Variants in SEMA3C observed in about 807,000 individuals in gnomAD.
SEMA3C encodes the protein semaphorin-3C.
Under a neutral mutation model 89.4 loss-of-function variants are expected in SEMA3C, and 47 were observed. That is an observed-to-expected ratio of 0.53 (90% CI 0.42 to 0.67). The LOEUF (loss-of-function observed/expected upper bound fraction) is 0.67. SEMA3C is among the 30% of genes least tolerant of loss of function. The pLI, the probability that SEMA3C is intolerant of heterozygous loss-of-function variation, is 0.00. For synonymous variants in SEMA3C, 310 were observed against 320.2 expected (o/e 0.97, Z 0.34); for missense variants, 839 against 929.1 (o/e 0.90, Z 1.26).
chr7:80,765,583 T>TTTTG (rs1554361556), intron 12 of SEMA3C, among the ~76,000 whole-genome samples: 10,159 of 114,802 alleles, frequency 0.088, 1,105 homozygotes, highest in African/African-American at 0.26. Flanking sequence ...TTTTGTTTTG[T>TTTTG]TTTGTTTGTT....
chr7:80,783,994 A>G (rs1376007876), intron 12 of SEMA3C, among the ~76,000 whole-genome samples: 1 of 152,208 alleles, frequency 6.6e-6, no homozygotes, highest in Non-Finnish European at 1.5e-5. Flanking sequence ...CCCATTCATA[A>G]GAATACTCTC....
intron 2 of SEMA3C, among the ~76,000 whole-genome samples, chr7:80,910,085 T>C (rs1213662821): frequency 6.6e-6 from 1 of 152,170 alleles, no homozygotes; most frequent in East Asian, 1.9e-4. Context: ...GTATCTCTGA[T>C]TCTATACAAG....
At chr7:80,819,761 T>C (rs990238534) in intron 4 of SEMA3C, among the ~76,000 whole-genome samples, 86 of 152,204 alleles carry the variant, frequency 5.7e-4, no homozygotes, top group Non-Finnish European at 1.2e-3. Flanking sequence ...GTGACCTTGC[T>C]GGAGCACAGA....
chr7:80,807,959 T>C (rs1583896934), intron 6 of SEMA3C, among the ~76,000 whole-genome samples: 1 of 152,306 alleles, frequency 6.6e-6, no homozygotes, highest in Middle Eastern at 3.4e-3. Context: ...CTTTTTACTG[T>C]CAGTTTTCAA....
At position 80,905,175 on chromosome 7, in the gene SEMA3C, A is replaced by T. The variant is rs796877624; in HGVS notation, c.103+11504T>A. On this transcript the variant is annotated intron_variant, in intron 2 of 17. Coordinates refer to ENST00000265361, the MANE Select transcript of SEMA3C (RefSeq NM_006379.5). The stretch of plus-strand genomic sequence containing the variant: ...TTTGCTGCAACCCTCAATTATGGCC[A>T]TTTTTTTTTTTTTTTGAGGAGGTGG... 7.8e-3 allele frequency among the ~76,000 whole-genome samples: 969 copies of T among 123,486 alleles called. 17 individuals are homozygous for T. The highest frequency in any genetic ancestry group is 0.028 in the African/African-American group (898 of 31,620). The allele number at this position is 123,486 out of a possible 152,430, so 81.0% of individuals were successfully genotyped here.
chr7:80,887,569 T>C (rs1409433851), intron 2 of SEMA3C, among the ~76,000 whole-genome samples: 1 of 152,176 alleles, frequency 6.6e-6, no homozygotes, highest in Non-Finnish European at 1.5e-5. Context: ...TATTAAACAA[T>C]ACAGTAGCCT....
In SEMA3C at chr7:80,918,196, T is replaced by C. The variant is rs185438000; in HGVS notation, c.-39+632A>G. 3.2e-4 allele frequency: 48 copies of C among 152,368 alleles called. No homozygotes were observed. In the East Asian group the frequency reaches 7.9e-3, roughly 25 times the overall value. 9.4% of individuals were successfully genotyped at this position (152,368 alleles called of 1,614,324 possible). A position where few individuals can be genotyped will look rare whatever the true frequency, so the allele number is the denominator to read the frequency against. On this transcript the variant is annotated intron_variant, in intron 1 of 17. Transcript: ENST00000265361. The stretch of plus-strand genomic sequence containing the variant: ...TTACCCCTTGGTTCTGTTGACTTCA[T>C]AGTTAAAGCCAAAAGAAAAAAACTA...
At chr7:80,784,025 G>A (rs1187695724) in intron 12 of SEMA3C, among the ~76,000 whole-genome samples, 3 of 152,004 alleles carry the variant, frequency 2.0e-5, no homozygotes, top group Admixed American at 2.0e-4. Context: ...CAAAAACCAC[G>A]TCATTCTGAT....
intron 17 of SEMA3C, 90 bp from the exon 18 acceptor site, chr7:80,745,397 C>T: frequency 7.6e-7 from 1 of 1,311,708 alleles, no homozygotes. Context: ...TCAACTTTCA[C>T]AGATTTGGGA....
chr7:80,786,449 A>T (rs1788804288), intron 12 of SEMA3C, among the ~76,000 whole-genome samples: 1 of 152,138 alleles, frequency 6.6e-6, no homozygotes, highest in South Asian at 2.1e-4. Context: ...CACCTTTAAG[A>T]CAGGCTTCAC....
At chr7:80,759,167 G>T (rs563707439) in intron 14 of SEMA3C, among the ~76,000 whole-genome samples, 1 of 152,184 alleles carries the variant, frequency 6.6e-6, no homozygotes, top group South Asian at 2.1e-4. Context: ...CTGCTTCCAA[G>T]ATAATGGTTT....
intron 12 of SEMA3C, among the ~76,000 whole-genome samples, chr7:80,784,407 G>C (rs1156540840): frequency 1.3e-5 from 2 of 151,794 alleles, no homozygotes; most frequent in Non-Finnish European, 2.9e-5. Flanking sequence ...TCAGGAATGG[G>C]TGGGAAAATA....
intron 2 of SEMA3C, among the ~76,000 whole-genome samples, chr7:80,865,119 T>C (rs1304851809): frequency 2.0e-5 from 3 of 152,160 alleles, no homozygotes; most frequent in Non-Finnish European, 4.4e-5. Flanking sequence ...CTAAAATGAG[T>C]TTCTTTAAAT....
intron 7 of SEMA3C, 24 bp from the exon 8 acceptor site, chr7:80,804,272 G>C (rs759318959): frequency 1.3e-6 from 2 of 1,534,250 alleles, no homozygotes; most frequent in South Asian, 1.3e-5. Flanking sequence ...TAAAAGACTA[G>C]GTATATATTC....
chr7:80,907,866 T>G (rs1225380733), intron 2 of SEMA3C, among the ~76,000 whole-genome samples: 1 of 152,030 alleles, frequency 6.6e-6, no homozygotes, highest in Non-Finnish European at 1.5e-5. Context: ...TTTAAAAGGC[T>G]CCAACGTATC....
intron 2 of SEMA3C, among the ~76,000 whole-genome samples, chr7:80,868,261 T>G (rs1790975373): frequency 6.6e-6 from 1 of 152,090 alleles, no homozygotes; most frequent in Non-Finnish European, 1.5e-5. Context: ...TTATTTCACT[T>G]TATTTTTATT....
intron 15 of SEMA3C, among the ~76,000 whole-genome samples, chr7:80,753,741 T>C (rs775880335): frequency 1.8e-4 from 28 of 152,214 alleles, no homozygotes; most frequent in Non-Finnish European, 3.1e-4. Context: ...AATCATTTTT[T>C]ATAGAAAAGA....
upstream of SEMA3C, chr7:80,919,404 G>T (rs188742872): frequency 5.9e-4 from 578 of 983,374 alleles, 15 homozygotes; most frequent in Admixed American, 0.032. Context: ...GTTGCCGGCG[G>T]CTCTCGAAGA....
intron 10 of SEMA3C, among the ~76,000 whole-genome samples, chr7:80,799,117 C>A (rs1170495087): frequency 6.6e-6 from 1 of 152,000 alleles, no homozygotes; most frequent in Non-Finnish European, 1.5e-5. Flanking sequence ...TTGTTCAATT[C>A]TTTGTGAGTT....
Sources: gnomAD v4.1 joint callset for allele counts (sites outside exome capture counted in the v4.1 genomes callset) on GRCh38, gnomAD v4.1.1 for gene constraint, MANE v1.5 for transcripts, NCBI Gene and HGNC (gene_info 2026-07-23, HGNC 2026-07-21) for gene names.